The following COL25A1 variants were observed in gnomAD, a reference collection of about 807,000 sequenced individuals.
COL25A1 encodes collagen type XXV alpha 1 chain.
COL25A1 carries 103 observed loss-of-function variants against 128.4 expected under a neutral mutation model. The observed-to-expected ratio is 0.80, with a 90% CI of 0.68 to 0.94. The LOEUF is 0.94. Ranked by LOEUF, COL25A1 falls within the 40% of genes least tolerant of loss-of-function variation. The probability of loss-of-function intolerance (pLI) is 0.00; values close to 1 mark genes in which losing one functional copy is unlikely to be tolerated. For synonymous variants in COL25A1, 279 were observed against 277.2 expected, an observed-to-expected ratio of 1.01 and a Z score of -0.06; for missense variants, 745 against 840.0, an observed-to-expected ratio of 0.89 and a Z score of 1.40.
At chr4:108,893,420 T>C (rs1365504655) in intron 16 of COL25A1, among the ~76,000 whole-genome samples, 1 of 152,176 alleles carries the variant, frequency 6.6e-6, no homozygotes, top group East Asian at 1.9e-4. Flanking sequence ...AATCCTTCAA[T>C]AGTAACTCTA....
At chr4:108,954,738 C>T (rs1001072749) in intron 8 of COL25A1, among the ~76,000 whole-genome samples, 1 of 151,666 alleles carries the variant, frequency 6.6e-6, no homozygotes, top group Non-Finnish European at 1.5e-5. Context: ...TGAATTAATT[C>T]AAAGTGTAAC....
intron 6 of COL25A1, among the ~76,000 whole-genome samples, chr4:109,003,627 C>G (rs766066533): frequency 6.6e-6 from 1 of 152,108 alleles, no homozygotes; most frequent in Non-Finnish European, 1.5e-5. Flanking sequence ...ATGGTGAAAC[C>G]CAGTCTCTAC....
intron 5 of COL25A1, among the ~76,000 whole-genome samples, chr4:109,040,354 T>C (rs1031805884): frequency 2.6e-5 from 4 of 152,162 alleles, no homozygotes; most frequent in Admixed American, 2.6e-4. Context: ...GCATTTTACA[T>C]AGCTAGTTTG....
At chr4:108,832,505 T>TCTTAGGCACCATTCA in intron 31 of COL25A1, 72 bp from the exon 32 acceptor site, 1 of 1,023,788 alleles carries the variant, frequency 9.8e-7, no homozygotes, top group Non-Finnish European at 1.5e-6. Context: ...CCTGGATTTT[T>TCTTAGGCACCATTCA]CCTAGGTGAA....
chr4:108,856,366 T>C (rs1736507176), intron 24 of COL25A1, among the ~76,000 whole-genome samples: 1 of 152,198 alleles, frequency 6.6e-6, no homozygotes, highest in Non-Finnish European at 1.5e-5. Context: ...ATATTTCTAA[T>C]ATGGTATGAT....
intron 8 of COL25A1, among the ~76,000 whole-genome samples, chr4:108,963,879 C>G (rs1027183869): frequency 3.3e-5 from 5 of 151,120 alleles, no homozygotes; most frequent in Non-Finnish European, 5.9e-5. Flanking sequence ...TGAAATAGTG[C>G]CCCTAAGCCT....
chr4:108,819,492 AT>A (rs2125707937), intron 35 of COL25A1, among the ~76,000 whole-genome samples, 163 bp from the exon 36 acceptor site: 1 of 152,306 alleles, frequency 6.6e-6, no homozygotes, highest in Admixed American at 6.5e-5. Flanking sequence ...AGGGAGACAT[AT>A]TCCTACAACA....
chr4:108,974,565 A>T lies in COL25A1; in HGVS notation c.439-6T>A. 6.3e-7 allele frequency: 1 copy of T among 1,597,050 alleles called. No homozygotes were observed. The highest frequency in any genetic ancestry group is 8.5e-7 in the Non-Finnish European group (1 of 1,174,290). ...CCTTTTGGACCAGGAGGGCCCTGAA[A>T]AAAAGAAAGAGAAAAAAAATTTTAA... On this transcript the variant is annotated splice_polypyrimidine_tract_variant and splice_region_variant and intron_variant, in intron 6 of 37. Coordinates refer to ENST00000399132, the MANE Select transcript of COL25A1 (RefSeq NM_198721.4).
intron 3 of COL25A1, among the ~76,000 whole-genome samples, chr4:109,115,822 G>T (rs528513920): frequency 6.6e-6 from 1 of 152,020 alleles, no homozygotes; most frequent in East Asian, 1.9e-4. Context: ...TATATAAAAG[G>T]AGCACGAGAT....
At chr4:108,911,001 A>G (rs902872236) in intron 13 of COL25A1, among the ~76,000 whole-genome samples, 17 of 152,176 alleles carry the variant, frequency 1.1e-4, no homozygotes, top group African/African-American at 4.1e-4. Flanking sequence ...GTGTCAAATA[A>G]ATGGAACGGG....
intron 3 of COL25A1, among the ~76,000 whole-genome samples, chr4:109,089,133 C>G (rs1032174662): frequency 1.3e-5 from 2 of 152,092 alleles, no homozygotes; most frequent in Non-Finnish European, 2.9e-5. Flanking sequence ...AAATATTAAA[C>G]AAAAGAAGAC....
chr4:109,080,168 A>G (rs1008215955), intron 3 of COL25A1, among the ~76,000 whole-genome samples: 6 of 152,078 alleles, frequency 3.9e-5, no homozygotes, highest in African/African-American at 1.4e-4. Context: ...TGTAATCCTT[A>G]CCTCAATTTA....
At chr4:108,869,264 G>GGTT in intron 19 of COL25A1, 114 bp from the exon 20 acceptor site, 1 of 608,968 alleles carries the variant, frequency 1.6e-6, no homozygotes, top group Non-Finnish European at 2.7e-6. Flanking sequence ...TTACTTCCCT[G>GGTT]GTTGTATACA....
intron 3 of COL25A1, among the ~76,000 whole-genome samples, chr4:109,268,083 T>G (rs17040231): frequency 0.011 from 1,723 of 152,292 alleles, 39 homozygotes; most frequent in African/African-American, 0.038. Context: ...TTTTACTGAT[T>G]GAAAACTCAC....
chr4:108,984,642 C>A (rs1013134817), intron 6 of COL25A1, among the ~76,000 whole-genome samples: 1 of 152,226 alleles, frequency 6.6e-6, no homozygotes. Context: ...CCGGCCGCTC[C>A]GAAGTGCGGG....
intron 36 of COL25A1, among the ~76,000 whole-genome samples, chr4:108,818,023 G>A (rs1277899138): frequency 1.3e-5 from 2 of 151,968 alleles, no homozygotes; most frequent in Admixed American, 6.6e-5. Context: ...AGCATTTATC[G>A]ATTTCTCTAT....
At chr4:109,162,233 C>T (rs1027719837) in intron 3 of COL25A1, among the ~76,000 whole-genome samples, 1 of 152,026 alleles carries the variant, frequency 6.6e-6, no homozygotes, top group Non-Finnish European at 1.5e-5. Flanking sequence ...GAAAGATTGG[C>T]TAGAAAGAGG....
chr4:109,060,779 C>T (rs1761900725), intron 3 of COL25A1, among the ~76,000 whole-genome samples: 1 of 151,820 alleles, frequency 6.6e-6, no homozygotes, highest in African/African-American at 2.4e-5. Context: ...TTTTCATTCG[C>T]CCGAGCTTAA....
intron 5 of COL25A1, among the ~76,000 whole-genome samples, chr4:109,029,135 T>C (rs1758599553): frequency 6.6e-6 from 1 of 152,192 alleles, no homozygotes; most frequent in South Asian, 2.1e-4. Context: ...GGAAGTTTCA[T>C]TTTGAGGACA....
Sources: allele counts gnomAD v4.1 joint callset (sites outside exome capture counted in the v4.1 genomes callset), GRCh38; gene constraint gnomAD v4.1.1; transcripts MANE v1.5; gene names NCBI Gene and HGNC (gene_info 2026-07-23, HGNC 2026-07-21).